The following PLEKHA7 variants were observed in gnomAD, a reference collection of about 807,000 sequenced individuals.
PLEKHA7 encodes pleckstrin homology domain-containing family A member 7.
In PLEKHA7, 104 loss-of-function variants were observed where a neutral mutation model predicts 170.0. That is an observed-to-expected ratio of 0.61 (90% CI 0.52 to 0.72). The LOEUF is 0.72. Among genes scored for constraint, PLEKHA7 ranks in the 30% least tolerant of loss-of-function variants. PLEKHA7 has a pLI of 0.00. For synonymous variants in PLEKHA7, 648 were observed against 660.8 expected (o/e 0.98, Z 0.30); for missense variants, 1,615 against 1,671.7 (o/e 0.97, Z 0.59).
At chr11:16,810,233 T>C (rs1366373601) in intron 13 of PLEKHA7, among the ~76,000 whole-genome samples, 1 of 152,210 alleles carries the variant, frequency 6.6e-6, no homozygotes, top group Admixed American at 6.5e-5. Flanking sequence ...ACACACCCAG[T>C]GGTTCTGCAA....
intron 4 of PLEKHA7, among the ~76,000 whole-genome samples, chr11:16,859,105 C>T (rs1184412980): frequency 6.6e-6 from 1 of 152,322 alleles, no homozygotes; most frequent in African/African-American, 2.4e-5. Flanking sequence ...ACTGTGTTGT[C>T]TACAAACAGG....
At chr11:16,782,000 C>A (rs1189604486) in intron 26 of PLEKHA7, among the ~76,000 whole-genome samples, 1 of 152,118 alleles carries the variant, frequency 6.6e-6, no homozygotes, top group Non-Finnish European at 1.5e-5. Flanking sequence ...CACACACAAG[C>A]AGGTGAGCTG....
At chr11:16,946,304 G>A (rs574490282) in intron 3 of PLEKHA7, among the ~76,000 whole-genome samples, 23 of 152,128 alleles carry the variant, frequency 1.5e-4, no homozygotes, top group Non-Finnish European at 2.6e-4. Context: ...CTAGACACTG[G>A]ATAACCTGCC....
intron 26 of PLEKHA7, among the ~76,000 whole-genome samples, chr11:16,779,628 T>C (rs1376411484): frequency 6.6e-6 from 1 of 152,098 alleles, no homozygotes; most frequent in Non-Finnish European, 1.5e-5. Context: ...GGGCCTCTAC[T>C]CCACACCTCC....
chr11:16,887,435 C>G (rs1020262415), intron 3 of PLEKHA7, among the ~76,000 whole-genome samples: 2 of 151,718 alleles, frequency 1.3e-5, no homozygotes, highest in African/African-American at 4.9e-5. Flanking sequence ...GGTCTCCCTC[C>G]GATGCCGAGT....
chr11:16,992,083 C>A (rs998537088), intron 3 of PLEKHA7, among the ~76,000 whole-genome samples: 2 of 152,080 alleles, frequency 1.3e-5, no homozygotes, highest in Non-Finnish European at 1.5e-5. Context: ...GGACCCCCCC[C>A]AGCCTGGGCA....
intron 3 of PLEKHA7, among the ~76,000 whole-genome samples, chr11:17,012,728 T>C (rs545660891): frequency 3.0e-4 from 45 of 152,150 alleles, no homozygotes; most frequent in Non-Finnish European, 8.8e-5. Flanking sequence ...CACAGGAAAA[T>C]TGTAATAACA....
At chr11:17,003,002 T>C (rs968360249) in intron 3 of PLEKHA7, among the ~76,000 whole-genome samples, 1 of 150,636 alleles carries the variant, frequency 6.6e-6, no homozygotes, top group East Asian at 1.9e-4. Context: ...TTTTTTTTTT[T>C]TTTTTTTGTG....
At chr11:16,781,880 G>A (rs535432494) in intron 26 of PLEKHA7, among the ~76,000 whole-genome samples, 4 of 152,204 alleles carry the variant, frequency 2.6e-5, no homozygotes, top group African/African-American at 9.6e-5. Context: ...CAGGCTCTAT[G>A]GCTGTTCCCT....
intron 3 of PLEKHA7, among the ~76,000 whole-genome samples, chr11:16,885,575 A>G (rs566494351): frequency 8.9e-5 from 13 of 145,764 alleles, no homozygotes; most frequent in African/African-American, 2.4e-4. Flanking sequence ...AGGCAGGAGG[A>G]AAAAAAAGAA....
At chr11:16,802,481 C>A (rs1446434364) in intron 15 of PLEKHA7, among the ~76,000 whole-genome samples, 1 of 152,130 alleles carries the variant, frequency 6.6e-6, no homozygotes, top group Non-Finnish European at 1.5e-5. Context: ...TAAGCCAAAG[C>A]AGAATGGGGG....
At chr11:17,002,253 A>G (rs1014463792) in intron 3 of PLEKHA7, among the ~76,000 whole-genome samples, 7 of 152,164 alleles carry the variant, frequency 4.6e-5, no homozygotes, top group African/African-American at 1.7e-4. Context: ...GTAGAGAGGG[A>G]GTTAGCTGGG....
intron 10 of PLEKHA7, among the ~76,000 whole-genome samples, chr11:16,824,218 A>C (rs1850457437): frequency 6.6e-6 from 1 of 152,242 alleles, no homozygotes; most frequent in Admixed American, 6.5e-5. Context: ...TATAGTCAAC[A>C]ATAATTTATT....
At chr11:16,819,305 C>A (rs539412310) in intron 10 of PLEKHA7, among the ~76,000 whole-genome samples, 153 of 152,260 alleles carry the variant, frequency 1.0e-3, no homozygotes, top group Middle Eastern at 3.4e-3. Context: ...ACCATGTTGG[C>A]CAGGCTGGTC....
At chr11:16,940,333 G>A (rs572993479) in intron 3 of PLEKHA7, among the ~76,000 whole-genome samples, 16 of 147,602 alleles carry the variant, frequency 1.1e-4, no homozygotes, top group Non-Finnish European at 2.1e-4. Flanking sequence ...GTCACCCAAG[G>A]CTAGAGTGCA....
intron 6 of PLEKHA7, 61 bp downstream of exon 6, chr11:16,854,828 G>T: frequency 6.8e-7 from 1 of 1,461,026 alleles, no homozygotes; most frequent in Non-Finnish European, 9.6e-7. Context: ...TGGTGCCTGG[G>T]AAAGGAGAGA....
chr11:16,889,818 A>C (rs1254053872), intron 3 of PLEKHA7, among the ~76,000 whole-genome samples: 1 of 152,192 alleles, frequency 6.6e-6, no homozygotes, highest in Non-Finnish European at 1.5e-5. Context: ...TGGAAGATGC[A>C]TTACAAGAAG....
At chr11:16,795,201 C>A in intron 17 of PLEKHA7, 183 bp from the exon 18 acceptor site, 1 of 571,934 alleles carries the variant, frequency 1.7e-6, no homozygotes, top group Non-Finnish European at 3.1e-6. Flanking sequence ...AAGGAAAATG[C>A]CCACGATCCA....
In PLEKHA7 at chr11:16,817,555, G is replaced by A. The variant is rs1440541206; in HGVS notation, c.1344-233C>T. On this transcript the variant is annotated intron_variant, in intron 10 of 26. Transcript: ENST00000531066. The surrounding 1 kb of genome is among the most constrained non-coding windows in gnomAD (Gnocchi z 4.4). ...TGCCAGGACAACTTGGCTACCCCAT[G>A]CCCATCACTTGGAGTGCAATGTGAT... 1 of 468,896 alleles carries A rather than the reference G, an allele frequency of 2.1e-6. No individual in the cohort carries two copies. Among genetic ancestry groups the A allele is most frequent in the East Asian group, 3.2e-5 (1 of 31,660 alleles). The allele number at this position is 468,896 out of a possible 1,614,324, so 29.0% of individuals were successfully genotyped here.
Sources: gnomAD v4.1 joint callset for allele counts (sites outside exome capture counted in the v4.1 genomes callset) on GRCh38, gnomAD v4.1.1 for gene constraint, Gnocchi (gnomAD v3.1) non-coding constraint, MANE v1.5 for transcripts, NCBI Gene and HGNC (gene_info 2026-07-23, HGNC 2026-07-21) for gene names.